Variants in PABIR3 observed in about 807,000 individuals in gnomAD.
PABIR3 encodes the protein PABIR family member 3, also known as PABIR family member 1.
A neutral mutation model predicts 23.1 loss-of-function variants in PABIR3; 20 were observed. The ratio of observed to expected loss-of-function variants is 0.86; its 90% CI spans 0.61 to 1.26. The LOEUF (loss-of-function observed/expected upper bound fraction) is 1.26. PABIR3 is among the 50% of genes most tolerant of loss of function. The pLI is 0.00. For missense variants in PABIR3, 189 were observed against 195.4 expected (o/e 0.97, Z 0.20); for synonymous variants, 69 against 68.5 (o/e 1.01, Z -0.04).
chrX:134,851,982 AGTT>A (rs780371078), intron 9 of PABIR3, among the ~76,000 whole-genome samples: 47 of 112,559 alleles, frequency 4.2e-4, no homozygotes, highest in African/African-American at 1.3e-3. Flanking sequence ...ACAAAAATGC[AGTT>A]GTTGTTTTTT....
In PABIR3 at chrX:134,845,413, T is replaced by C; in HGVS notation, c.345+12T>C. On this transcript the variant is annotated intron_variant, in intron 6 of 10. Transcript: ENST00000645433. Reference sequence around the variant, plus strand: ...AAGGCTTGAAACTGGTATGATATTATAACTTCAGTTTTGTAGAAAATTTCA... The same window carrying C: ...AAGGCTTGAAACTGGTATGATATTACAACTTCAGTTTTGTAGAAAATTTCA... 8.5e-7 allele frequency: 1 copy of C among 1,176,735 alleles called. No individual in the cohort carries two copies. Among genetic ancestry groups the C allele is most frequent in the Non-Finnish European group, 1.1e-6 (1 of 875,602 alleles).
intron 9 of PABIR3, among the ~76,000 whole-genome samples, chrX:134,852,410 G>A (rs1443907050): frequency 1.8e-5 from 2 of 110,951 alleles, no homozygotes; most frequent in African/African-American, 6.6e-5. Flanking sequence ...GGGAGGTGGA[G>A]GTTGAAGTGA....
chrX:134,796,470 T>A, upstream of PABIR3: 8 of 302,921 alleles, frequency 2.6e-5, no homozygotes, highest in South Asian at 2.2e-4. Flanking sequence ...GGTGACAGAA[T>A]GAAGGAAAAG....
At chrX:134,849,123 G>T in intron 8 of PABIR3, 44 bp from the exon 9 acceptor site, 1 of 724,988 alleles carries the variant, frequency 1.4e-6, no homozygotes, top group Middle Eastern at 3.5e-4. Flanking sequence ...TGTTGATTTT[G>T]TTAAAAAAAA....
At chrX:134,821,743 A>T (rs772375177) in intron 3 of PABIR3, 172 of 941,756 alleles carry the variant, frequency 1.8e-4, no homozygotes, top group Non-Finnish European at 2.2e-4. Context: ...TATGCCCTGC[A>T]CATCTAGCCC....
chrX:134,832,334 TTA>T (rs2081821709), intron 4 of PABIR3, among the ~76,000 whole-genome samples: 1 of 109,096 alleles, frequency 9.2e-6, no homozygotes, highest in African/African-American at 3.3e-5. Flanking sequence ...TGTGCCTGGC[TTA>T]TTTCACTTAA....
intron 2 of PABIR3, among the ~76,000 whole-genome samples, chrX:134,811,560 G>A (rs2080668175): frequency 9.1e-6 from 1 of 110,414 alleles, no homozygotes; most frequent in Admixed American, 9.8e-5. Flanking sequence ...GCTAATTTTT[G>A]TATTTTTAGT....
At position 134,829,310 on chromosome X, in the gene PABIR3, G is replaced by C. The variant is rs1165215406; in HGVS notation, c.246+28G>C. The C allele has an allele frequency of 3.2e-5, 37 of 1,147,134 alleles. No homozygotes were observed. The East Asian group carries it at 1.1e-3, about 35-fold the overall frequency. 94.5% of individuals were successfully genotyped at this position (1,147,134 alleles called of 1,213,427 possible). On this transcript the variant is annotated intron_variant, in intron 4 of 10. Coordinates refer to ENST00000645433, the MANE Select transcript of PABIR3 (RefSeq NM_001388447.1). The stretch of plus-strand genomic sequence containing the variant: ...AAGAAGACTTTCCAAACTGACAGCT[G>C]TTCATTTAAAAAAGTAAATTTTATT...
intron 3 of PABIR3, among the ~76,000 whole-genome samples, chrX:134,823,537 T>G (rs1421040807): frequency 8.9e-6 from 1 of 112,167 alleles, no homozygotes; most frequent in Non-Finnish European, 1.9e-5. Flanking sequence ...TATATATGTA[T>G]ATTTGTATAC....
At chrX:134,804,136 T>C, upstream of PABIR3, 3 of 947,693 alleles carry the variant, frequency 3.2e-6, no homozygotes, top group African/African-American at 1.9e-5. Flanking sequence ...GACTGGGATA[T>C]GCAAAGAGAG....
intron 2 of PABIR3, among the ~76,000 whole-genome samples, chrX:134,813,704 C>T (rs1372790428): frequency 9.0e-6 from 1 of 111,415 alleles, no homozygotes; most frequent in Non-Finnish European, 1.9e-5. Flanking sequence ...GCAGGAGCAT[C>T]GTTGAGCCTA....
chrX:134,816,940 C>T (rs1012205298), intron 3 of PABIR3, among the ~76,000 whole-genome samples: 1 of 111,257 alleles, frequency 9.0e-6, no homozygotes, highest in Admixed American at 9.6e-5. Flanking sequence ...TTTGGGAGGC[C>T]AAGGCGGGAG....
intron 4 of PABIR3, among the ~76,000 whole-genome samples, chrX:134,838,160 G>A (rs1472454569): frequency 9.0e-6 from 1 of 110,983 alleles, no homozygotes; most frequent in African/African-American, 3.3e-5. Flanking sequence ...TATCCAATTA[G>A]GCTTCTAATC....
intron 6 of PABIR3, among the ~76,000 whole-genome samples, chrX:134,845,626 A>T (rs113722172): frequency 9.0e-6 from 1 of 111,374 alleles, no homozygotes; most frequent in African/African-American, 3.3e-5. Flanking sequence ...AGCTCAATGG[A>T]TCGTCCTGCC....
intron 4 of PABIR3, chrX:134,834,150 C>T (rs2081899196): frequency 8.9e-6 from 1 of 112,249 alleles, no homozygotes; most frequent in South Asian, 3.7e-4. Flanking sequence ...TAAAAGCGTT[C>T]CTATTTCTCC....
chrX:134,800,376 A>C (rs1053104696), intron 1 of PABIR3, among the ~76,000 whole-genome samples: 10 of 111,281 alleles, frequency 9.0e-5, no homozygotes, highest in African/African-American at 3.3e-4. Context: ...AGGTGGGAGA[A>C]TTGCTTGAAC....
At chrX:134,804,176 A>T (rs750655714), upstream of PABIR3, 15 of 1,141,184 alleles carry the variant, frequency 1.3e-5, no homozygotes, top group Non-Finnish European at 1.7e-5. Flanking sequence ...TCTAGATCTA[A>T]CAAAAGCAGT....
At chrX:134,823,524 G>C (rs1169386280) in intron 3 of PABIR3, among the ~76,000 whole-genome samples, 1 of 111,149 alleles carries the variant, frequency 9.0e-6, no homozygotes, top group Non-Finnish European at 1.9e-5. Flanking sequence ...GTATATATGT[G>C]TATATATATG....
chrX:134,852,474 A>AAAT (rs772647507), intron 9 of PABIR3, among the ~76,000 whole-genome samples: 3,637 of 108,628 alleles, frequency 0.033, 102 homozygotes, highest in African/African-American at 0.086. Flanking sequence ...CTTCTTCACA[A>AAAT]AATAATAATA....
Sources: allele counts gnomAD v4.1 joint callset (sites outside exome capture counted in the v4.1 genomes callset), GRCh38; gene constraint gnomAD v4.1.1; transcripts MANE v1.5; gene names NCBI Gene and HGNC (gene_info 2026-07-23, HGNC 2026-07-21).